The following ARHGAP15 variants were observed in gnomAD, a reference collection of about 807,000 sequenced individuals.
The protein encoded by ARHGAP15 is Rho GTPase activating protein 15, also known as rho GTPase-activating protein 15.
Under a neutral mutation model 63.7 loss-of-function variants are expected in ARHGAP15, and 51 were observed. The observed-to-expected ratio is 0.80, with a 90% CI of 0.64 to 1.01. The LOEUF is 1.01. Among genes scored for constraint, ARHGAP15 ranks in the 50% least tolerant of loss-of-function variants. The probability of loss-of-function intolerance (pLI) is 0.00; values close to 1 mark genes in which losing one functional copy is unlikely to be tolerated. For synonymous variants in ARHGAP15, 191 were observed against 193.8 expected, an observed-to-expected ratio of 0.99 and a Z score of 0.12; for missense variants, 560 against 564.6, an observed-to-expected ratio of 0.99 and a Z score of 0.08.
chr2:143,744,874 TA>T (rs572817358), intron 13 of ARHGAP15, among the ~76,000 whole-genome samples: 150 of 152,344 alleles, frequency 9.8e-4, no homozygotes, highest in African/African-American at 3.3e-3. Flanking sequence ...AACTGGGATT[TA>T]AAAATACGTA....
At chr2:143,162,913 G>A (rs931998572) in intron 2 of ARHGAP15, among the ~76,000 whole-genome samples, 1 of 151,948 alleles carries the variant, frequency 6.6e-6, no homozygotes, top group African/African-American at 2.4e-5. Context: ...GTGCACTCAC[G>A]AACAGGTAAA....
rs1369679432 is a variant in ARHGAP15 at position 143,703,462 on chromosome 2, T to C, written c.1182T>C (p.Leu394=). The C allele has an allele frequency of 6.2e-7, 1 of 1,612,668 alleles. No homozygotes were observed. The highest frequency in any genetic ancestry group is 8.5e-7 in the Non-Finnish European group (1 of 1,179,434). ...CAAGAATTGAAGCTGTAAAATCTCT[T>C]GTACAAAAACTCCCTCCGCCAAATC... ...NNTRIEAVKS[L]VQKLPPPNRD... is the part of the protein sequence containing the mutation. Residue 394 remains leucine (L), a synonymous_variant, in exon 13 of 14, where the codon CTT becomes CTC. Coordinates refer to ENST00000295095, the MANE Select transcript of ARHGAP15 (RefSeq NM_018460.4).
intron 2 of ARHGAP15, among the ~76,000 whole-genome samples, chr2:143,195,068 A>T (rs901487526): frequency 1.3e-5 from 2 of 152,166 alleles, no homozygotes; most frequent in African/African-American, 4.8e-5. Flanking sequence ...CACTTTTTTA[A>T]AAATCTGATA....
chr2:143,558,813 T>C (rs1695910165), intron 11 of ARHGAP15, among the ~76,000 whole-genome samples: 1 of 152,156 alleles, frequency 6.6e-6, no homozygotes, highest in Non-Finnish European at 1.5e-5. Flanking sequence ...TTGAACCAGT[T>C]TTTTAAATGT....
At chr2:143,373,368 C>T (rs541831087) in intron 6 of ARHGAP15, among the ~76,000 whole-genome samples, 2 of 152,072 alleles carry the variant, frequency 1.3e-5, no homozygotes, top group East Asian at 1.9e-4. Context: ...CGGTGGCTCA[C>T]GCCTGTAATC....
At chr2:143,216,672 C>T (rs1164878463) in intron 4 of ARHGAP15, among the ~76,000 whole-genome samples, 1 of 152,100 alleles carries the variant, frequency 6.6e-6, no homozygotes, top group Non-Finnish European at 1.5e-5. Flanking sequence ...GCTTTTTGTC[C>T]TCCTTGGACT....
Position 143,713,141 on chromosome 2 carries a change from C to T in ARHGAP15, c.1244+9617C>T, listed in dbSNP as rs558990832. Among the ~76,000 whole-genome samples, 8 of 152,268 alleles carry T rather than the reference C, an allele frequency of 5.3e-5. No individual in the cohort carries two copies. In the East Asian group the frequency reaches 1.2e-3, roughly 22 times the overall value. On this transcript the variant is annotated intron_variant, in intron 13 of 13. Transcript: ENST00000295095. ...TTTTCATGCTTCTGATAAAGACATA[C>T]CCAAGGCTGGGAAGAAAAAGAAGTT...
At chr2:143,271,070 T>C (rs1681255060) in intron 6 of ARHGAP15, among the ~76,000 whole-genome samples, 1 of 145,972 alleles carries the variant, frequency 6.9e-6, no homozygotes, top group African/African-American at 2.4e-5. Context: ...CATCTGTCTT[T>C]CTTCTGTATT....
intron 6 of ARHGAP15, among the ~76,000 whole-genome samples, chr2:143,398,685 G>A (rs1687871762): frequency 6.6e-6 from 1 of 151,974 alleles, no homozygotes; most frequent in Non-Finnish European, 1.5e-5. Context: ...AATGTTTAAT[G>A]AGAAGCATCC....
chr2:143,410,347 T>A (rs1325174814), intron 6 of ARHGAP15, among the ~76,000 whole-genome samples: 2 of 152,156 alleles, frequency 1.3e-5, no homozygotes, highest in Non-Finnish European at 1.5e-5. Context: ...ATCTTTGAGA[T>A]GAATGTAAAA....
intron 6 of ARHGAP15, among the ~76,000 whole-genome samples, chr2:143,389,534 T>G (rs1574377659): frequency 6.6e-6 from 1 of 152,160 alleles, no homozygotes; most frequent in South Asian, 2.1e-4. Flanking sequence ...GGTTTGCACA[T>G]CTAGACCAAG....
chr2:143,677,290 C>A (rs575280485), intron 12 of ARHGAP15, among the ~76,000 whole-genome samples: 1 of 152,310 alleles, frequency 6.6e-6, no homozygotes, highest in African/African-American at 2.4e-5. Flanking sequence ...TATCTGTTAA[C>A]TGAACCATGA....
intron 8 of ARHGAP15, among the ~76,000 whole-genome samples, chr2:143,441,605 G>C (rs1004873187): frequency 6.6e-6 from 1 of 152,082 alleles, no homozygotes; most frequent in African/African-American, 2.4e-5. Flanking sequence ...AATAACTTTT[G>C]TATGTAGGTT....
intron 2 of ARHGAP15, among the ~76,000 whole-genome samples, chr2:143,170,365 G>C (rs1205459298): frequency 6.6e-6 from 1 of 152,142 alleles, no homozygotes; most frequent in Non-Finnish European, 1.5e-5. Context: ...AACTTGATGA[G>C]AGACTACTTT....
intron 6 of ARHGAP15, among the ~76,000 whole-genome samples, chr2:143,415,743 G>A (rs544589263): frequency 1.1e-4 from 17 of 152,216 alleles, no homozygotes; most frequent in African/African-American, 3.1e-4. Context: ...ATTAATCAAC[G>A]AGTGGGTAAA....
intron 2 of ARHGAP15, among the ~76,000 whole-genome samples, chr2:143,165,950 G>GAGAGA (rs1462717090): frequency 9.0e-6 from 1 of 111,258 alleles, no homozygotes; most frequent in Non-Finnish European, 1.9e-5. Flanking sequence ...AAAGAAGAAA[G>GAGAGA]AAAGAAAGAG....
At chr2:143,381,745 A>G (rs757489388) in intron 6 of ARHGAP15, among the ~76,000 whole-genome samples, 5 of 151,768 alleles carry the variant, frequency 3.3e-5, no homozygotes, top group Non-Finnish European at 7.4e-5. Context: ...AACTGATGTA[A>G]CTCTCAATGC....
intron 1 of ARHGAP15, among the ~76,000 whole-genome samples, chr2:143,133,198 T>G (rs1573988067): frequency 1.3e-5 from 2 of 152,152 alleles, no homozygotes; most frequent in Non-Finnish European, 2.9e-5. Flanking sequence ...AATCTAGCAC[T>G]GGGAAGATGA....
At chr2:143,217,585 C>G (rs1490569617) in intron 4 of ARHGAP15, among the ~76,000 whole-genome samples, 2 of 152,068 alleles carry the variant, frequency 1.3e-5, no homozygotes, top group Non-Finnish European at 2.9e-5. Flanking sequence ...TGTGGCTAGT[C>G]CCTTCCCCAG....
Sources: allele counts gnomAD v4.1 joint callset (sites outside exome capture counted in the v4.1 genomes callset), GRCh38; gene constraint gnomAD v4.1.1; transcripts MANE v1.5; gene names NCBI Gene and HGNC (gene_info 2026-07-23, HGNC 2026-07-21).